Variants in TFB1M observed in about 807,000 individuals in gnomAD.
The protein encoded by TFB1M is transcription factor B1, mitochondrial, also known as dimethyladenosine transferase 1, mitochondrial.
Under a neutral mutation model 31.1 loss-of-function variants are expected in TFB1M, and 27 were observed. The observed-to-expected ratio is 0.87, with a 90% confidence interval of 0.64 to 1.20. TFB1M has a LOEUF of 1.20. TFB1M is among the 50% of genes most tolerant of loss of function. The pLI is 0.00. For synonymous variants in TFB1M, 166 were observed against 151.8 expected (o/e 1.09, Z -0.69); for missense variants, 394 against 418.7 (o/e 0.94, Z 0.51).
chr6:155,248,019 C>T, the TFB1M span: 1 of 1,614,168 alleles, frequency 6.2e-7, no homozygotes, highest in Non-Finnish European at 8.5e-7. Context: ...ACAAAGCCTT[C>T]AAGGCTTTTC....
At chr6:155,268,580 AC>A (rs1784767889) in intron 5 of TFB1M, among the ~76,000 whole-genome samples, 1 of 152,260 alleles carries the variant, frequency 6.6e-6, no homozygotes, top group South Asian at 2.1e-4. Context: ...ACTAAGCAAC[AC>A]CACACACTAA....
downstream of TFB1M, chr6:155,254,686 C>G (rs1217031893): frequency 2.3e-6 from 3 of 1,331,910 alleles, no homozygotes; most frequent in Non-Finnish European, 3.1e-6. Context: ...CATCGAGGTA[C>G]CTTTATCTCC....
chr6:155,266,970 C>CTTT (rs375412255), intron 5 of TFB1M, among the ~76,000 whole-genome samples: 2,290 of 127,290 alleles, frequency 0.018, 123 homozygotes, highest in African/African-American at 0.065. Flanking sequence ...ACTTTGCTGC[C>CTTT]TTTTTTTTTT....
intron 2 of TFB1M, chr6:155,310,858 TTTATTTTTGA>T (rs1240868262): frequency 3.7e-6 from 1 of 272,556 alleles, no homozygotes; most frequent in Non-Finnish European, 7.1e-6. Flanking sequence ...TTTATTTTTA[TTTATTTTTGA>T]AGGAATGGGC....
intron 2 of TFB1M, among the ~76,000 whole-genome samples, chr6:155,306,440 T>C (rs1777770012): frequency 6.6e-6 from 1 of 152,210 alleles, no homozygotes; most frequent in Admixed American, 6.5e-5. Flanking sequence ...AAAAGCTTTA[T>C]TACAGTATAA....
chr6:155,249,891 T>G, the TFB1M span: 81 of 1,614,022 alleles, frequency 5.0e-5, no homozygotes, highest in Non-Finnish European at 6.4e-5. Context: ...GCCACATCAA[T>G]GAGATGCAGA....
the TFB1M span, among the ~76,000 whole-genome samples, chr6:155,247,797 C>T: frequency 1.3e-5 from 2 of 152,228 alleles, no homozygotes; most frequent in African/African-American, 4.8e-5. Context: ...AAGCTCCCAG[C>T]ACTCCAGGGC....
chr6:155,240,340 G>A, the TFB1M span, among the ~76,000 whole-genome samples: 4 of 152,220 alleles, frequency 2.6e-5, no homozygotes, highest in African/African-American at 7.2e-5. Flanking sequence ...GAGTGTGGGC[G>A]CACATCTTCC....
chr6:155,274,002 TCTGTGG>T (rs1442158946), intron 5 of TFB1M, among the ~76,000 whole-genome samples: 2 of 152,238 alleles, frequency 1.3e-5, no homozygotes, highest in Non-Finnish European at 2.9e-5. Flanking sequence ...CTGAGGACTT[TCTGTGG>T]CTTAAATATT....
the TFB1M span, chr6:155,240,633 C>T: frequency 6.2e-7 from 1 of 1,613,924 alleles, no homozygotes; most frequent in East Asian, 2.2e-5. Flanking sequence ...AGGTCTCTGG[C>T]CCGCCACCTG....
intron 6 of TFB1M, among the ~76,000 whole-genome samples, chr6:155,259,586 C>T (rs539242970): frequency 4.6e-5 from 7 of 152,382 alleles, no homozygotes; most frequent in South Asian, 4.1e-4. Flanking sequence ...GTGCCTCTCA[C>T]GCCGAGCCTC....
intron 5 of TFB1M, among the ~76,000 whole-genome samples, chr6:155,268,420 G>C (rs909445115): frequency 6.6e-6 from 1 of 152,154 alleles, no homozygotes; most frequent in East Asian, 1.9e-4. Context: ...CTGTTACTGT[G>C]ATCCAGTGAT....
chr6:155,257,051 G>T lies in TFB1M; in HGVS notation c.*785C>A, dbSNP rs772355050. 4 of 1,614,068 alleles carry T rather than the reference G, an allele frequency of 2.5e-6. No homozygotes were observed. The Admixed American group carries it at 6.7e-5, about 27-fold the overall frequency. On this transcript the variant is annotated 3_prime_UTR_variant, in exon 7 of 7. Transcript: ENST00000367166. ...AATTCTGTTCTAGAGCGAGAATTCA[G>T]TGTCCAGAGTTTAACATCTGTTGTC...
intron 4 of TFB1M, among the ~76,000 whole-genome samples, chr6:155,286,039 T>C (rs545502500): frequency 2.6e-5 from 4 of 152,176 alleles, no homozygotes; most frequent in African/African-American, 9.6e-5. Context: ...AGACATCAAA[T>C]TGATGCAGGC....
chr6:155,277,824 T>C (rs1785291167), intron 5 of TFB1M, among the ~76,000 whole-genome samples: 1 of 152,226 alleles, frequency 6.6e-6, no homozygotes, highest in Non-Finnish European at 1.5e-5. Flanking sequence ...AATGATTTCA[T>C]GCAAATTAAT....
At chr6:155,244,255 G>C in the TFB1M span, among the ~76,000 whole-genome samples, 1 of 152,218 alleles carries the variant, frequency 6.6e-6, no homozygotes, top group Admixed American at 6.5e-5. Context: ...GGCCTCGGCT[G>C]CATGACCCAG....
At chr6:155,273,136 G>A (rs538999162) in intron 5 of TFB1M, among the ~76,000 whole-genome samples, 1 of 152,308 alleles carries the variant, frequency 6.6e-6, no homozygotes, top group South Asian at 2.1e-4. Context: ...CTTGAAAGCA[G>A]CTATTACAAA....
In TFB1M at chr6:155,314,419, A is replaced by C. The variant is rs764885356; in HGVS notation, c.10T>G (p.Ser4Ala). The C allele has an allele frequency of 1.7e-5, 28 of 1,614,004 alleles. No homozygotes were observed. The Admixed American group carries it at 2.3e-4, about 13-fold the overall frequency. MAA[S>A]GKLSTCRLPP... ...AGACGGCAAGTGCTGAGTTTTCCGGAGGCAGCCATGATACGCGGCAAGCAC... is the reference window on the plus strand; with the variant it reads ...AGACGGCAAGTGCTGAGTTTTCCGGCGGCAGCCATGATACGCGGCAAGCAC... The change falls in exon 1 of 7, where the codon TCC becomes GCC. Residue 4 changes from serine (S) to alanine (A), a missense_variant. Physicochemically the swap from Ser to Ala is moderately conservative, Grantham distance 99. This residue lies in a region of TFB1M where 273 missense variants were observed against 256.4 expected (regional missense o/e 1.06). Coordinates refer to ENST00000367166, the MANE Select transcript of TFB1M (RefSeq NM_016020.4).
At chr6:155,301,696 G>C (rs1158986747) in intron 2 of TFB1M, among the ~76,000 whole-genome samples, 3 of 152,086 alleles carry the variant, frequency 2.0e-5, no homozygotes, top group Admixed American at 6.5e-5. Context: ...TGCCAGTTTA[G>C]AGTAAAAGGC....
Sources: gnomAD v4.1 joint callset for allele counts (sites outside exome capture counted in the v4.1 genomes callset) on GRCh38, gnomAD v4.1.1 for gene constraint, gnomAD v4.1.1 regional missense constraint, MANE v1.5 for transcripts, NCBI Gene and HGNC (gene_info 2026-07-23, HGNC 2026-07-21) for gene names.